The following KIF13A variants were observed in gnomAD, a reference collection of about 807,000 sequenced individuals.
KIF13A encodes the protein kinesin-like protein KIF13A.
Under a neutral mutation model 212.2 loss-of-function variants are expected in KIF13A, and 79 were observed. The ratio of observed to expected loss-of-function variants is 0.37; its 90% confidence interval spans 0.31 to 0.45. The LOEUF (loss-of-function observed/expected upper bound fraction) is 0.45. KIF13A is among the 20% of genes least tolerant of loss of function. The probability of loss-of-function intolerance (pLI) is 1.00; values close to 1 mark genes in which losing one functional copy is unlikely to be tolerated. For missense variants in KIF13A, 1,901 were observed against 2,209.0 expected, an observed-to-expected ratio of 0.86 and a Z score of 2.79; for synonymous variants, 789 against 808.6, an observed-to-expected ratio of 0.98 and a Z score of 0.41.
chr6:17,958,729 A>G (rs1778556984), intron 2 of KIF13A, among the ~76,000 whole-genome samples: 1 of 152,146 alleles, frequency 6.6e-6, no homozygotes, highest in South Asian at 2.1e-4. Context: ...TTATACTTTA[A>G]TTCCATTTAT....
At chr6:17,832,510 C>T (rs558454035) in intron 12 of KIF13A, among the ~76,000 whole-genome samples, 160 of 152,056 alleles carry the variant, frequency 1.1e-3, no homozygotes, top group African/African-American at 3.6e-3. Flanking sequence ...TGGTGGCACA[C>T]ACCTATAGTC....
intron 9 of KIF13A, among the ~76,000 whole-genome samples, chr6:17,841,592 A>G (rs1024629336): frequency 6.6e-6 from 1 of 152,176 alleles, no homozygotes; most frequent in Admixed American, 6.5e-5. Flanking sequence ...AGTGTTATAT[A>G]ACTCCAATTC....
chr6:17,807,570 A>G (rs1035262091), intron 18 of KIF13A, among the ~76,000 whole-genome samples: 1 of 145,322 alleles, frequency 6.9e-6, no homozygotes, highest in African/African-American at 2.4e-5. Flanking sequence ...GCACCACTGA[A>G]CATAGACCCT....
At chr6:17,876,489 T>G (rs913710040) in intron 3 of KIF13A, among the ~76,000 whole-genome samples, 1 of 152,244 alleles carries the variant, frequency 6.6e-6, no homozygotes, top group African/African-American at 2.4e-5. Context: ...CCCAGAAGCA[T>G]TCTTGGTTAA....
chr6:17,902,006 T>C (rs1025209181), intron 2 of KIF13A, among the ~76,000 whole-genome samples: 1 of 152,094 alleles, frequency 6.6e-6, no homozygotes, highest in Non-Finnish European at 1.5e-5. Context: ...CAAAAATAAA[T>C]AAATGGCCTT....
At chr6:17,791,251 C>T (rs918407295) in intron 25 of KIF13A, among the ~76,000 whole-genome samples, 27 of 151,850 alleles carry the variant, frequency 1.8e-4, no homozygotes, top group Non-Finnish European at 3.5e-4. Context: ...TTTATCATAA[C>T]TTTTTAAACT....
At position 17,951,574 on chromosome 6, in the gene KIF13A, ACCCCCCT is replaced by A; in HGVS notation, c.146+35473_146+35479del. 2.4e-6 allele frequency: 1 copy of A among 412,304 alleles called. No individual in the cohort carries two copies. The highest frequency in any genetic ancestry group is 3.6e-5 in the East Asian group (1 of 27,938). 25.5% of individuals were successfully genotyped at this position (412,304 alleles called of 1,614,324 possible). A position where few individuals can be genotyped will look rare whatever the true frequency, so the allele number is the denominator to read the frequency against. Reference sequence around the variant, plus strand: ...ACCACAACTGCAGAACATTCTCAATACCCCCCTCAAAAAATGCCATATCCATCGGCAG... The same window carrying A: ...ACCACAACTGCAGAACATTCTCAATACAAAAAATGCCATATCCATCGGCAG... On this transcript the variant is annotated intron_variant, in intron 2 of 38. Coordinates refer to ENST00000259711, the MANE Select transcript of KIF13A (RefSeq NM_022113.6). This position sits in a 1 kb window ranked among gnomAD's most constrained non-coding sequence, Gnocchi z 4.9.
At chr6:17,932,327 C>T (rs1776052863) in intron 2 of KIF13A, among the ~76,000 whole-genome samples, 1 of 152,176 alleles carries the variant, frequency 6.6e-6, no homozygotes, top group South Asian at 2.1e-4. Flanking sequence ...CGGTGAACAA[C>T]ATCACAAAAT....
rs1761382733 is a variant in KIF13A, at chr6:17,789,829, G to C, written c.3261+43C>G. ...GCTTTGCGAATGCTGGCAATTAGCA[G>C]TAGCTGTGCCCCATGCCACAGGATT... On this transcript the variant is annotated intron_variant, in intron 26 of 38. Coordinates refer to ENST00000259711, the MANE Select transcript of KIF13A (RefSeq NM_022113.6). The surrounding 1 kb of genome is among the most constrained non-coding windows in gnomAD (Gnocchi z 4.8). 2.6e-6 allele frequency: 4 copies of C among 1,567,604 alleles called. No individual in the cohort carries two copies. The highest frequency in any genetic ancestry group is 3.5e-6 in the Non-Finnish European group (4 of 1,140,680).
chr6:17,848,099 A>G (rs1350065482), intron 9 of KIF13A, among the ~76,000 whole-genome samples: 4 of 152,212 alleles, frequency 2.6e-5, no homozygotes, highest in Admixed American at 2.0e-4. Context: ...GGCGTGAGCC[A>G]CCGTGCCTGG....
intron 2 of KIF13A, among the ~76,000 whole-genome samples, chr6:17,911,006 G>A (rs1035039030): frequency 1.3e-5 from 2 of 152,002 alleles, no homozygotes; most frequent in African/African-American, 2.4e-5. Flanking sequence ...CTCATGATCC[G>A]CCCGCCTCAG....
intron 2 of KIF13A, among the ~76,000 whole-genome samples, chr6:17,917,385 T>G (rs1774629931): frequency 6.6e-6 from 1 of 151,536 alleles, no homozygotes; most frequent in Non-Finnish European, 1.5e-5. Flanking sequence ...GGATTACAGG[T>G]GCCCGCCACC....
In KIF13A at chr6:17,825,829, T is replaced by G. The variant is rs999980303; in HGVS notation, c.1725A>C (p.Glu575Asp). ...GTGCAAATTCATAGTTATAGTCTGG[T>G]TCAGAGGAAGCCTCACTGGCTGCAT... The part of the protein sequence containing the change: ...DLDAASEASS[E>D]PDYNYEFAQM... Residue 575 changes from glutamate to aspartate, a missense_variant, in exon 16 of 39, where the codon GAA (glutamate) becomes GAC (aspartate). Glu to Asp is a conservative substitution (Grantham distance 45, BLOSUM62 2). This residue lies in a region of KIF13A where 534 missense variants were observed against 536.9 expected (regional missense o/e 0.99). Transcript: ENST00000259711. The surrounding 1 kb of genome is among the most constrained non-coding windows in gnomAD (Gnocchi z 4.5). 3 of 1,613,878 alleles carry G rather than the reference T, an allele frequency of 1.9e-6. No homozygotes were observed. The African/African-American group carries it at 4.0e-5, about 22-fold the overall frequency.
chr6:17,827,517 T>C (rs1178431056), intron 14 of KIF13A, among the ~76,000 whole-genome samples: 1 of 50,484 alleles, frequency 2.0e-5, no homozygotes, highest in Non-Finnish European at 5.0e-5. Context: ...CTCTCTACAT[T>C]TTTTTTTTTT....
chr6:17,921,538 G>A (rs1487990295), intron 2 of KIF13A, among the ~76,000 whole-genome samples: 1 of 152,174 alleles, frequency 6.6e-6, no homozygotes, highest in South Asian at 2.1e-4. Flanking sequence ...AATGCAAACA[G>A]CTGAGCTTTT....
In KIF13A at chr6:17,987,364, G is replaced by T; in HGVS notation, c.55+45C>A. ...CCCCGCAGTTTCTAAAGTTGCCCCC[G>T]CCCTCAGCCCGAGCAGAAATAAAAA... On this transcript the variant is annotated intron_variant, in intron 1 of 38. Coordinates refer to ENST00000259711, the MANE Select transcript of KIF13A (RefSeq NM_022113.6). The surrounding 1 kb of genome is among the most constrained non-coding windows in gnomAD (Gnocchi z 7.7). 2 of 1,272,380 alleles carry T rather than the reference G, an allele frequency of 1.6e-6. No homozygotes were observed. Among genetic ancestry groups the T allele is most frequent in the Admixed American group, 2.6e-5 (1 of 38,478 alleles). 78.8% of individuals were successfully genotyped at this position (1,272,380 alleles called of 1,614,324 possible). A position where few individuals can be genotyped will look rare whatever the true frequency, so the allele number is the denominator to read the frequency against.
In KIF13A at chr6:17,926,117, C is replaced by T. The variant is rs867071107; in HGVS notation, c.147-27937G>A. On this transcript the variant is annotated intron_variant, in intron 2 of 38. Transcript: ENST00000259711. This position sits in a 1 kb window ranked among gnomAD's most constrained non-coding sequence, Gnocchi z 4.3. ...ATAATTAAAGTAGTCATCATGTCCA[C>T]GGTCCTACTAATTCTGAAAAGAAAT... Among the ~76,000 whole-genome samples the T allele has an allele frequency of 2.0e-5, 3 of 152,110 alleles. No homozygotes were observed. Among genetic ancestry groups the T allele is most frequent in the East Asian group, 1.9e-4 (1 of 5,198 alleles).
chr6:17,949,764 T>A (rs1040765321), intron 2 of KIF13A, among the ~76,000 whole-genome samples: 1 of 152,120 alleles, frequency 6.6e-6, no homozygotes, highest in African/African-American at 2.4e-5. Context: ...ACACAGTCAT[T>A]ATACTGCATA....
Position 17,809,572 on chromosome 6 carries a change from C to A in KIF13A, c.2001-642G>T, listed in dbSNP as rs1456819501. ...GTATAATTATTTGTTTAATATCTGT[C>A]TCCTACTAGGCTGTTAGGTTGCCCC... is the stretch of plus-strand genomic sequence containing the variant. On this transcript the variant is annotated intron_variant, in intron 17 of 38. Transcript: ENST00000259711. This position sits in a 1 kb window ranked among gnomAD's most constrained non-coding sequence, Gnocchi z 4.7. 6.6e-6 allele frequency among the ~76,000 whole-genome samples: 1 copy of A among 152,192 alleles called. No individual in the cohort carries two copies. Among genetic ancestry groups the A allele is most frequent in the Non-Finnish European group, 1.5e-5 (1 of 68,038 alleles).
Sources: allele counts gnomAD v4.1 joint callset (sites outside exome capture counted in the v4.1 genomes callset), GRCh38; gene constraint gnomAD v4.1.1; regional missense constraint gnomAD v4.1.1; non-coding constraint Gnocchi (gnomAD v3.1); transcripts MANE v1.5; gene names NCBI Gene and HGNC (gene_info 2026-07-23, HGNC 2026-07-21).